CPT1B: variants seen among roughly 807,000 people sequenced by gnomAD.
The protein encoded by CPT1B is carnitine palmitoyltransferase 1B, also known as carnitine O-palmitoyltransferase 1, muscle isoform.
A neutral mutation model predicts 92.7 loss-of-function variants in CPT1B; 57 were observed. The ratio of observed to expected loss-of-function variants is 0.62; its 90% CI spans 0.50 to 0.77. The LOEUF is 0.77. Ranked by LOEUF, CPT1B falls within the 30% of genes least tolerant of loss-of-function variation. CPT1B has a pLI of 0.00. For missense variants in CPT1B, 983 were observed against 1,017.4 expected (o/e 0.97, Z 0.46); for synonymous variants, 398 against 383.5 (o/e 1.04, Z -0.44).
chr22:50,569,579 C>G lies in CPT1B; in HGVS notation c.2232G>C (p.Glu744Asp), dbSNP rs1461300256. The G allele has an allele frequency of 1.2e-6, 2 of 1,613,958 alleles. No individual in the cohort carries two copies. The highest frequency in any genetic ancestry group is 1.7e-6 in the Non-Finnish European group (2 of 1,179,954). ...FHISSKFSSS[E>D]TNAQRFGNHI... ...TGAGCTGTGGCAGGAGACTCACCGT[C>G]TCTGAGCTTGAGAACTTGCTGGAGA... Residue 744 changes from glutamate (E) to aspartate (D), a missense_variant, in exon 18 of 20, where the codon GAG (glutamate) becomes GAC (aspartate). By Grantham distance (45) the Glu-to-Asp change is conservative. Coordinates refer to ENST00000312108, the MANE Select transcript of CPT1B (RefSeq NM_152246.3).
intron 11 of CPT1B, 118 bp from the exon 12 acceptor site, chr22:50,572,426 CTT>C: frequency 1.5e-6 from 1 of 654,338 alleles, no homozygotes. Context: ...TTTTCTCTCA[CTT>C]TTTTTTTAAA....
intron 17 of CPT1B, among the ~76,000 whole-genome samples, chr22:50,569,993 T>C (rs73891288): frequency 1.3e-5 from 2 of 152,176 alleles, no homozygotes; most frequent in African/African-American, 4.8e-5. Flanking sequence ...CTCTCTTGGA[T>C]AAGTAGACTT....
intron 11 of CPT1B, 29 bp downstream of exon 11, chr22:50,572,846 T>C (rs770804035): frequency 1.3e-6 from 2 of 1,593,640 alleles, no homozygotes; most frequent in Non-Finnish European, 8.6e-7. Flanking sequence ...AACCTTAAGC[T>C]GTAACCTGTG....
chr22:50,576,008 C>A, intron 7 of CPT1B, 27 bp downstream of exon 7: 5 of 1,608,556 alleles, frequency 3.1e-6, no homozygotes, highest in Non-Finnish European at 4.3e-6. Flanking sequence ...TGAGCACGTG[C>A]GGGGACCTGG....
Position 50,577,778 on chromosome 22 carries a change from G to A in CPT1B, c.138C>T (p.Ile46=), listed in dbSNP as rs1373299174. The part of the protein sequence containing the change: ...INSWKKRLIR[I]KNGILRGVYP... Reference sequence around the variant, plus strand: ...TGGGAGAAGCACCTGTGCGCACCTTGATGCGGATCAGGCGTTTCTTCCAGG... The same window carrying A: ...TGGGAGAAGCACCTGTGCGCACCTTAATGCGGATCAGGCGTTTCTTCCAGG... Residue 46 remains isoleucine, a synonymous_variant, in exon 2 of 20, where the codon ATC becomes ATT. Coordinates refer to ENST00000312108, the MANE Select transcript of CPT1B (RefSeq NM_152246.3). The A allele has an allele frequency of 3.7e-6, 6 of 1,613,576 alleles. No individual in the cohort carries two copies. The highest frequency in any genetic ancestry group is 5.1e-6 in the Non-Finnish European group (6 of 1,179,776).
Position 50,571,283 on chromosome 22 carries a change from T to C in CPT1B, c.1750A>G (p.Lys584Glu). 1 of 1,613,868 alleles carries C rather than the reference T, an allele frequency of 6.2e-7. No individual in the cohort carries two copies. The highest frequency in any genetic ancestry group is 8.5e-7 in the Non-Finnish European group (1 of 1,180,010). The change falls in exon 15 of 20, where the codon AAG becomes GAG. Residue 584 changes from lysine to glutamate, a missense_variant. Physicochemically the swap from Lys to Glu is moderately conservative, Grantham distance 56 (BLOSUM62 1). Coordinates refer to ENST00000312108, the MANE Select transcript of CPT1B (RefSeq NM_152246.3). ...GAGGCCTCATAGGTCAGGCAGAACT[T>C]ACCCCTGTCCTGGGATATACAGAGG... ...LQLAHFRDRG[K>E]FCLTYEASMT...
At position 50,572,976 on chromosome 22, in the gene CPT1B, G is replaced by A. The variant is rs755232904; in HGVS notation, c.1251C>T (p.Phe417=). 6.2e-7 allele frequency: 1 copy of A among 1,613,794 alleles called. No homozygotes were observed. Among genetic ancestry groups the A allele is most frequent in the Non-Finnish European group, 8.5e-7 (1 of 1,179,892 alleles). Residue 417 remains phenylalanine, a synonymous_variant, in exon 11 of 20, where the codon TTC becomes TTT. Coordinates refer to ENST00000312108, the MANE Select transcript of CPT1B (RefSeq NM_152246.3). The part of the protein sequence containing the change: ...AALEAIERAA[F]FVALDEESYS... The stretch of plus-strand genomic sequence containing the variant: ...AGGATTCCTCATCCAGGGCCACGAA[G>A]AAAGCGGCACGCTCGATGGCCTCCA...
Position 50,574,567 on chromosome 22 carries a change from C to T in CPT1B, c.811G>A (p.Ala271Thr). 1 of 1,614,106 alleles carries T rather than the reference C, an allele frequency of 6.2e-7. No homozygotes were observed. Among genetic ancestry groups the T allele is most frequent in the Middle Eastern group, 1.6e-4 (1 of 6,062 alleles). The change falls in exon 8 of 20, where the codon GCA (alanine) becomes ACA (threonine). Residue 271 changes from alanine (A) to threonine (T), a missense_variant. Physicochemically the swap from Ala to Thr is moderately conservative, Grantham distance 58. Coordinates refer to ENST00000312108, the MANE Select transcript of CPT1B (RefSeq NM_152246.3). ...LVLIKNTDVQ[A>T]ARLGNIIHAM... The stretch of plus-strand genomic sequence containing the variant: ...TGGATGATGTTTCCCAGGCGGGCTG[C>T]CTGCACGTCTGTATTCTTGATGAGC...
rs371625675 is a variant in CPT1B, at chr22:50,576,936, G to A, written c.380C>T (p.Thr127Ile). 9.3e-6 allele frequency: 15 copies of A among 1,614,028 alleles called. No homozygotes were observed. The highest frequency in any genetic ancestry group is 1.3e-5 in the Non-Finnish European group (15 of 1,180,044). Residue 127 changes from threonine (T) to isoleucine (I), a missense_variant, in exon 4 of 20, where the codon ACC (threonine) becomes ATC (isoleucine). Thr to Ile is a moderately conservative substitution (Grantham distance 89). Transcript: ENST00000312108. ...ATGGTAGCAGAGAAGCAGCTTCAGG[G>A]TTTGGCGGAAGAAGAAGATGCCCGT... ...WVTGIFFFRQ[T>I]LKLLLCYHGW...
chr22:50,571,571 T>C, intron 13 of CPT1B, 32 bp from the exon 14 acceptor site: 2 of 1,603,648 alleles, frequency 1.2e-6, no homozygotes, highest in Non-Finnish European at 1.7e-6. Context: ...CAGCTGAGGG[T>C]AGGGCTCTCC....
chr22:50,574,277 CAGG>C lies in CPT1B; in HGVS notation c.970+55_970+57del, dbSNP rs2070328540. The stretch of plus-strand genomic sequence containing the variant: ...CTGGGGACGCTTGGTGATGAGCAGG[CAGG>C]AGGGCAGCGAGCCAGCCAGATGGCC... On this transcript the variant is annotated intron_variant, in intron 9 of 19. Coordinates refer to ENST00000312108, the MANE Select transcript of CPT1B (RefSeq NM_152246.3). The C allele has an allele frequency of 5.7e-6, 8 of 1,393,936 alleles. No individual in the cohort carries two copies. The South Asian group carries it at 7.3e-5, about 13-fold the overall frequency. 86.3% of individuals were successfully genotyped at this position (1,393,936 alleles called of 1,614,324 possible).
At position 50,573,129 on chromosome 22, in the gene CPT1B, T is replaced by C; in HGVS notation, c.1167-69A>G. On this transcript the variant is annotated intron_variant, in intron 10 of 19. Coordinates refer to ENST00000312108, the MANE Select transcript of CPT1B (RefSeq NM_152246.3). The surrounding 1 kb of genome is among the most constrained non-coding windows in gnomAD (Gnocchi z 5.0). ...ATGAGGGTGCCTCTGAGGGCCTGGC[T>C]GGACCTGGAGATGGGGGTGGGGTGC... 1 of 1,391,880 alleles carries C rather than the reference T, an allele frequency of 7.2e-7. No individual in the cohort carries two copies. The allele number at this position is 1,391,880 out of a possible 1,614,324, so 86.2% of individuals were successfully genotyped here.
At position 50,576,118 on chromosome 22, in the gene CPT1B, G is replaced by T; in HGVS notation, c.700-6C>A. On this transcript the variant is annotated splice_polypyrimidine_tract_variant and splice_region_variant and intron_variant, in intron 6 of 19. Transcript: ENST00000312108. ...TCTTCCCACCAGTCACTCACCTGTG[G>T]GGAGGTGGAAGGTTAGAGCTGGGGC... 6.2e-7 allele frequency: 1 copy of T among 1,614,124 alleles called. No homozygotes were observed. The highest frequency in any genetic ancestry group is 1.1e-5 in the South Asian group (1 of 91,084).
rs758334496 is a variant in CPT1B, at chr22:50,573,524, C to G, written c.1162G>C (p.Gly388Arg). The change falls in exon 10 of 20, where the codon GGA becomes CGA. Residue 388 changes from glycine to arginine, a missense_variant. Physicochemically the swap from Gly to Arg is moderately radical, Grantham distance 125. Transcript: ENST00000312108. This position sits in a 1 kb window ranked among gnomAD's most constrained non-coding sequence, Gnocchi z 5.0. ...EEKLAALTAG[G>R]RVEWAQARQA... Reference sequence around the variant, plus strand: ...TCCCTTCCTAGAGGCCAATACCTTCCTCCTGCAGTGAGGGCTGCCAGCTTC... The same window carrying G: ...TCCCTTCCTAGAGGCCAATACCTTCGTCCTGCAGTGAGGGCTGCCAGCTTC... 6.2e-7 allele frequency: 1 copy of G among 1,609,298 alleles called. No individual in the cohort carries two copies. The highest frequency in any genetic ancestry group is 8.5e-7 in the Non-Finnish European group (1 of 1,177,540).
At position 50,573,967 on chromosome 22, in the gene CPT1B, T is replaced by G; in HGVS notation, c.971-252A>C. On this transcript the variant is annotated intron_variant, in intron 9 of 19. Transcript: ENST00000312108. This position sits in a 1 kb window ranked among gnomAD's most constrained non-coding sequence, Gnocchi z 5.0. ...GAGGAAACGACGCACTAGAGGGTTG[T>G]GCAAACCGCCTAAGGATACAGTGTC... is the stretch of plus-strand genomic sequence containing the variant. 1.4e-6 allele frequency: 1 copy of G among 704,252 alleles called. No individual in the cohort carries two copies. The highest frequency in any genetic ancestry group is 2.6e-6 in the Non-Finnish European group (1 of 377,458). 43.6% of individuals were successfully genotyped at this position (704,252 alleles called of 1,614,324 possible).
intron 16 of CPT1B, 104 bp downstream of exon 16, chr22:50,570,787 G>A: frequency 6.7e-7 from 1 of 1,484,620 alleles, no homozygotes; most frequent in Non-Finnish European, 9.2e-7. Flanking sequence ...GGGAGCTTCA[G>A]GGGAGCAAGC....
intron 2 of CPT1B, 77 bp downstream of exon 2, chr22:50,577,698 G>A: frequency 6.3e-7 from 1 of 1,575,114 alleles, no homozygotes; most frequent in Non-Finnish European, 8.7e-7. Context: ...CAAGGAGGCA[G>A]TGAGGGACCC....
Position 50,577,941 on chromosome 22 carries a change from C to T in CPT1B, c.-19-7G>A. Reference sequence around the variant, plus strand: ...CCTGGGGGTTGGTCGGCACCTAGGACGGGGGCAGATGGGTGCGCGGGCGCG... The same window carrying T: ...CCTGGGGGTTGGTCGGCACCTAGGATGGGGGCAGATGGGTGCGCGGGCGCG... On this transcript the variant is annotated splice_region_variant and splice_polypyrimidine_tract_variant and intron_variant, in intron 1 of 19. Coordinates refer to ENST00000312108, the MANE Select transcript of CPT1B (RefSeq NM_152246.3). The T allele has an allele frequency of 1.9e-6, 3 of 1,598,220 alleles. No individual in the cohort carries two copies. Among genetic ancestry groups the T allele is most frequent in the East Asian group, 2.2e-5 (1 of 44,454 alleles).
Position 50,573,095 on chromosome 22 carries a change from G to T in CPT1B, c.1167-35C>A. ...GGGGCAGGGTAAGCAGTGGGCACGT[G>T]GACTTGGGATGAGGGTGCCTCTGAG... On this transcript the variant is annotated intron_variant, in intron 10 of 19. Transcript: ENST00000312108. The surrounding 1 kb of genome is among the most constrained non-coding windows in gnomAD (Gnocchi z 5.0). 6.4e-7 allele frequency: 1 copy of T among 1,560,818 alleles called. No individual in the cohort carries two copies. The highest frequency in any genetic ancestry group is 8.7e-7 in the Non-Finnish European group (1 of 1,143,686).
Sources: allele counts gnomAD v4.1 joint callset (sites outside exome capture counted in the v4.1 genomes callset), GRCh38; gene constraint gnomAD v4.1.1; non-coding constraint Gnocchi (gnomAD v3.1); transcripts MANE v1.5; gene names NCBI Gene and HGNC (gene_info 2026-07-23, HGNC 2026-07-21).